SEMA5A: variants seen among roughly 807,000 people sequenced by gnomAD.
The protein encoded by SEMA5A is semaphorin-5A.
In SEMA5A, 55 loss-of-function variants were observed where a neutral mutation model predicts 135.5. The ratio of observed to expected loss-of-function variants is 0.41; its 90% CI spans 0.33 to 0.51. The LOEUF is 0.51. Among genes scored for constraint, SEMA5A ranks in the 20% least tolerant of loss-of-function variants. The pLI, the probability that SEMA5A is intolerant of heterozygous loss-of-function variation, is 0.37. For synonymous variants in SEMA5A, 580 were observed against 546.5 expected (o/e 1.06, Z -0.85); for missense variants, 1,290 against 1,419.9 (o/e 0.91, Z 1.47).
intron 11 of SEMA5A, among the ~76,000 whole-genome samples, chr5:9,169,569 A>C (rs568958366): frequency 2.6e-5 from 4 of 152,332 alleles, no homozygotes; most frequent in Non-Finnish European, 4.4e-5. Flanking sequence ...CATTTGGCCA[A>C]GATGGGCTTG....
chr5:9,200,498 GT>G (rs1254403048), intron 9 of SEMA5A, among the ~76,000 whole-genome samples: 5 of 152,178 alleles, frequency 3.3e-5, no homozygotes, highest in African/African-American at 1.2e-4. Context: ...TTTAAACAAG[GT>G]TTTGGAAAGA....
chr5:9,082,218 A>G (rs1294382134), intron 16 of SEMA5A, among the ~76,000 whole-genome samples: 5 of 152,360 alleles, frequency 3.3e-5, no homozygotes, highest in East Asian at 1.9e-4. Flanking sequence ...TTGAAATTGT[A>G]TAGAAGTTAC....
chr5:9,221,431 T>C (rs1398678120), intron 8 of SEMA5A, among the ~76,000 whole-genome samples: 6 of 149,830 alleles, frequency 4.0e-5, no homozygotes, highest in South Asian at 2.1e-4. Flanking sequence ...GCCTCCCGAG[T>C]AGCTGGGACT....
chr5:9,138,052 G>A (rs1458348085), intron 12 of SEMA5A, among the ~76,000 whole-genome samples: 4 of 152,142 alleles, frequency 2.6e-5, no homozygotes, highest in Non-Finnish European at 4.4e-5. Flanking sequence ...TTATACAATT[G>A]TCATTTATTA....
intron 8 of SEMA5A, among the ~76,000 whole-genome samples, chr5:9,212,408 C>T (rs548791321): frequency 2.0e-4 from 31 of 152,152 alleles, no homozygotes; most frequent in Non-Finnish European, 3.1e-4. Context: ...GTTTTAAGAG[C>T]GACTTTGGCA....
In SEMA5A at chr5:9,318,375, G is replaced by C; in HGVS notation, c.267C>G (p.Ile89Met). The C allele has an allele frequency of 6.2e-7, 1 of 1,612,156 alleles. No individual in the cohort carries two copies. Among genetic ancestry groups the C allele is most frequent in the Non-Finnish European group, 8.5e-7 (1 of 1,179,108 alleles). ...GAGAAAAATAAATTGCACCTACCTGGATAAGAGACAGATCCTCAAGCTGTA... is the reference window on the plus strand; with the variant it reads ...GAGAAAAATAAATTGCACCTACCTGCATAAGAGACAGATCCTCAAGCTGTA... ...FRLQLEDLSL[I>M]QAVEWECDEA... The change falls in exon 5 of 23, where the codon ATC becomes ATG. Residue 89 changes from isoleucine to methionine, a missense_variant. By Grantham distance (10) the Ile-to-Met change is conservative. This residue lies in a region of SEMA5A where 116 missense variants were observed against 121.3 expected (regional missense o/e 0.96). Coordinates refer to ENST00000382496, the MANE Select transcript of SEMA5A (RefSeq NM_003966.3).
intron 5 of SEMA5A, among the ~76,000 whole-genome samples, chr5:9,314,006 T>C (rs1250886244): frequency 6.6e-6 from 1 of 152,222 alleles, no homozygotes; most frequent in East Asian, 1.9e-4. Flanking sequence ...TTGTCTAGTG[T>C]TAAATAAAGG....
intron 5 of SEMA5A, among the ~76,000 whole-genome samples, chr5:9,296,630 T>G (rs1751346571): frequency 6.6e-6 from 1 of 152,170 alleles, no homozygotes; most frequent in South Asian, 2.1e-4. Flanking sequence ...TTTGGTTACC[T>G]GTTATTCTCT....
chr5:9,211,194 C>T (rs891214725), intron 8 of SEMA5A, among the ~76,000 whole-genome samples: 1 of 152,126 alleles, frequency 6.6e-6, no homozygotes, highest in Non-Finnish European at 1.5e-5. Flanking sequence ...AGATATCAGC[C>T]TTGGACTTGT....
chr5:9,282,365 A>G (rs1457025955), intron 5 of SEMA5A, among the ~76,000 whole-genome samples: 2 of 152,200 alleles, frequency 1.3e-5, no homozygotes, highest in African/African-American at 2.4e-5. Context: ...TCCTGTGAAC[A>G]TGGGTATGGG....
chr5:9,464,126 C>A (rs557285383), intron 1 of SEMA5A, among the ~76,000 whole-genome samples: 3 of 152,154 alleles, frequency 2.0e-5, no homozygotes, highest in Admixed American at 6.5e-5. Context: ...GCTCTCCCCA[C>A]CCTGAATGAC....
At chr5:9,207,388 T>C (rs1746091908) in intron 8 of SEMA5A, among the ~76,000 whole-genome samples, 1 of 152,022 alleles carries the variant, frequency 6.6e-6, no homozygotes, top group South Asian at 2.1e-4. Context: ...TTTCTCCATG[T>C]TGGTTAGACT....
chr5:9,342,949 A>G (rs748371352), intron 3 of SEMA5A, among the ~76,000 whole-genome samples: 6 of 152,202 alleles, frequency 3.9e-5, no homozygotes, highest in Non-Finnish European at 7.3e-5. Context: ...CTTCCTATAC[A>G]GCACATTTGG....
At chr5:9,095,889 G>C (rs1360566181) in intron 16 of SEMA5A, among the ~76,000 whole-genome samples, 1 of 152,154 alleles carries the variant, frequency 6.6e-6, no homozygotes, top group Non-Finnish European at 1.5e-5. Flanking sequence ...CATGTGAACT[G>C]TTCCTATAGC....
chr5:9,306,732 A>G (rs1410396909), intron 5 of SEMA5A, among the ~76,000 whole-genome samples: 8 of 152,194 alleles, frequency 5.3e-5, no homozygotes, highest in African/African-American at 1.4e-4. Flanking sequence ...GCCCTGTTCT[A>G]TAAGGAGAGC....
At chr5:9,496,426 G>T (rs896481287) in intron 1 of SEMA5A, among the ~76,000 whole-genome samples, 1 of 152,214 alleles carries the variant, frequency 6.6e-6, no homozygotes, top group African/African-American at 2.4e-5. Context: ...ATGCATTTCA[G>T]ATGAAGCTTA....
intron 5 of SEMA5A, among the ~76,000 whole-genome samples, chr5:9,274,044 C>A (rs925373991): frequency 6.6e-6 from 1 of 152,146 alleles, no homozygotes; most frequent in Non-Finnish European, 1.5e-5. Context: ...CAAAGACTGG[C>A]AAATTGGATA....
intron 9 of SEMA5A, among the ~76,000 whole-genome samples, chr5:9,199,550 A>C (rs1745595354): frequency 6.6e-6 from 1 of 152,210 alleles, no homozygotes; most frequent in African/African-American, 2.4e-5. Context: ...GAGAAGGCTT[A>C]AAGCTGGAAT....
chr5:9,346,892 A>ATGTGTG lies in SEMA5A; in HGVS notation c.125-9086_125-9081dup, dbSNP rs3086551. On this transcript the variant is annotated intron_variant, in intron 3 of 22. Transcript: ENST00000382496. ...CAATGTGGTCATTGTGTATATATAT[A>ATGTGTG]TGTGTGTGTGTGTGTGTGTGTGTAT... Among the ~76,000 whole-genome samples, 582 of 149,454 alleles carry ATGTGTG rather than the reference A, an allele frequency of 3.9e-3. 2 individuals carry two copies. Among genetic ancestry groups the ATGTGTG allele is most frequent in the African/African-American group, 9.7e-3 (393 of 40,562 alleles).
Sources: allele counts gnomAD v4.1 joint callset (sites outside exome capture counted in the v4.1 genomes callset), GRCh38; gene constraint gnomAD v4.1.1; regional missense constraint gnomAD v4.1.1; transcripts MANE v1.5; gene names NCBI Gene and HGNC (gene_info 2026-07-23, HGNC 2026-07-21).